The following DACH1 variants were observed in gnomAD, a reference collection of about 807,000 sequenced individuals.
The protein encoded by DACH1 is dachshund family transcription factor 1, also known as dachshund homolog 1.
Under a neutral mutation model 54.2 loss-of-function variants are expected in DACH1, and 12 were observed. The ratio of observed to expected loss-of-function variants is 0.22; its 90% CI spans 0.14 to 0.36. The LOEUF (loss-of-function observed/expected upper bound fraction) is 0.36. DACH1 is among the 10% of genes least tolerant of loss of function. The pLI, the probability that DACH1 is intolerant of heterozygous loss-of-function variation, is 1.00. For synonymous variants in DACH1, 386 were observed against 366.2 expected, an observed-to-expected ratio of 1.05 and a Z score of -0.62; for missense variants, 805 against 929.8, an observed-to-expected ratio of 0.87 and a Z score of 1.75.
At chr13:71,717,502 AATCAC>A (rs1487793801) in intron 1 of DACH1, among the ~76,000 whole-genome samples, 1 of 92,690 alleles carries the variant, frequency 1.1e-5, no homozygotes, top group Non-Finnish European at 2.2e-5. Flanking sequence ...CTGTGTGTGT[AATCAC>A]ACACACACAC....
intron 2 of DACH1, among the ~76,000 whole-genome samples, chr13:71,638,562 T>A (rs1314671597): frequency 6.6e-6 from 1 of 152,190 alleles, no homozygotes; most frequent in Non-Finnish European, 1.5e-5. Flanking sequence ...ACAGCCTTGT[T>A]TTTTTAATCT....
intron 2 of DACH1, among the ~76,000 whole-genome samples, chr13:71,644,777 C>T (rs1298219694): frequency 6.6e-6 from 1 of 152,182 alleles, no homozygotes; most frequent in Non-Finnish European, 1.5e-5. Context: ...AACATGATGG[C>T]TGCTTACACC....
rs11322352 is a variant in DACH1, at chr13:71,708,852, G to GTTTTTTT, written c.849-26949_849-26943dup. 4.2e-5 allele frequency among the ~76,000 whole-genome samples: 5 copies of GTTTTTTT among 120,390 alleles called. 1 individual carries two copies. Among genetic ancestry groups the GTTTTTTT allele is most frequent in the Non-Finnish European group, 8.0e-5 (5 of 62,524 alleles). 79.0% of individuals were successfully genotyped at this position (120,390 alleles called of 152,430 possible). On this transcript the variant is annotated intron_variant, in intron 1 of 10. Coordinates refer to ENST00000613252, the MANE Select transcript of DACH1 (RefSeq NM_080759.6). ...TCTCAGGGTTTCCAAGTTTTTTGTT[G>GTTTTTTT]TTTTTTTTTTTTTTTTTTGAGACGG...
Position 71,649,061 on chromosome 13 carries a change from A to G in DACH1, c.965-18344T>C, listed in dbSNP as rs551839161. ...TCATGCACTGCATAATGATGTTCCT[A>G]TCAACAACAGACCACATATACAACA... On this transcript the variant is annotated intron_variant, in intron 2 of 10. Transcript: ENST00000613252. Among the ~76,000 whole-genome samples, 16 of 152,296 alleles carry G rather than the reference A, an allele frequency of 1.1e-4. No individual in the cohort carries two copies. The South Asian group carries it at 3.1e-3, about 30-fold the overall frequency.
intron 7 of DACH1, among the ~76,000 whole-genome samples, chr13:71,484,213 G>A (rs1463015950): frequency 1.3e-5 from 2 of 152,036 alleles, no homozygotes; most frequent in African/African-American, 2.4e-5. Flanking sequence ...CCAGGGTGGA[G>A]TGCAGTGGTG....
intron 2 of DACH1, among the ~76,000 whole-genome samples, chr13:71,633,927 G>A (rs1185019280): frequency 6.6e-6 from 1 of 150,864 alleles, no homozygotes; most frequent in Non-Finnish European, 1.5e-5. Context: ...CCATGTCATA[G>A]TCAGCCAAAC....
At chr13:71,540,959 C>A (rs990836635) in intron 6 of DACH1, among the ~76,000 whole-genome samples, 4 of 151,698 alleles carry the variant, frequency 2.6e-5, no homozygotes, top group African/African-American at 9.7e-5. Context: ...TATTAATATG[C>A]CTATTATAAA....
At chr13:71,832,866 T>C (rs1417886367) in intron 1 of DACH1, among the ~76,000 whole-genome samples, 1 of 151,992 alleles carries the variant, frequency 6.6e-6, no homozygotes, top group African/African-American at 2.4e-5. Flanking sequence ...TTTTTATATA[T>C]AGATAACTCC....
chr13:71,616,462 G>A (rs561759151), intron 3 of DACH1, among the ~76,000 whole-genome samples: 9 of 152,302 alleles, frequency 5.9e-5, no homozygotes, highest in African/African-American at 2.2e-4. Flanking sequence ...AATGAGAAAA[G>A]AAGATCAGGT....
intron 1 of DACH1, among the ~76,000 whole-genome samples, chr13:71,693,845 G>A (rs927171778): frequency 3.3e-5 from 5 of 152,088 alleles, no homozygotes; most frequent in African/African-American, 1.2e-4. Context: ...AAAAAATACA[G>A]CATATATAAG....
At chr13:71,674,440 TACACAC>T (rs57078245) in intron 2 of DACH1, among the ~76,000 whole-genome samples, 76,302 of 140,886 alleles carry the variant, frequency 0.54, 21,940 homozygotes, top group Non-Finnish European at 0.65. Context: ...AGGGAGATTT[TACACAC>T]ACACACACAC....
chr13:71,508,173 T>C (rs1880480747), intron 6 of DACH1, among the ~76,000 whole-genome samples: 1 of 152,182 alleles, frequency 6.6e-6, no homozygotes. Context: ...CATAGCTGCA[T>C]ATTAGTACGT....
intron 1 of DACH1, among the ~76,000 whole-genome samples, chr13:71,790,979 T>C (rs1420733810): frequency 1.3e-5 from 2 of 152,210 alleles, no homozygotes; most frequent in Non-Finnish European, 2.9e-5. Flanking sequence ...CAAACAAAAC[T>C]CAAATTATTA....
chr13:71,776,492 T>C (rs1886070910), intron 1 of DACH1, among the ~76,000 whole-genome samples: 1 of 152,142 alleles, frequency 6.6e-6, no homozygotes, highest in African/African-American at 2.4e-5. Flanking sequence ...CTTAATATAT[T>C]GATTAATAAA....
chr13:71,557,186 A>G, intron 5 of DACH1, 28 bp from the exon 6 acceptor site: 1 of 1,586,898 alleles, frequency 6.3e-7, no homozygotes, highest in Non-Finnish European at 8.5e-7. Context: ...AAAACAAACA[A>G]AACAAAACAC....
At chr13:71,633,474 T>C (rs1241524582) in intron 2 of DACH1, among the ~76,000 whole-genome samples, 3 of 152,128 alleles carry the variant, frequency 2.0e-5, no homozygotes, top group Non-Finnish European at 4.4e-5. Context: ...GCCCCTGACT[T>C]TTAAAAATAT....
At chr13:71,583,864 G>T (rs564120945) in intron 3 of DACH1, among the ~76,000 whole-genome samples, 6 of 151,948 alleles carry the variant, frequency 3.9e-5, no homozygotes, top group Non-Finnish European at 7.4e-5. Context: ...CATCATCCAG[G>T]GGGCCTTTAA....
At chr13:71,510,499 G>T (rs1880694604) in intron 6 of DACH1, among the ~76,000 whole-genome samples, 1 of 151,740 alleles carries the variant, frequency 6.6e-6, no homozygotes, top group South Asian at 2.1e-4. Flanking sequence ...CCTTTCCAGG[G>T]TCAAATAACA....
intron 2 of DACH1, among the ~76,000 whole-genome samples, chr13:71,674,635 C>A (rs1440519963): frequency 6.6e-6 from 1 of 151,862 alleles, no homozygotes; most frequent in Non-Finnish European, 1.5e-5. Context: ...TGATTTCAGC[C>A]CAGTGATGCT....
Sources: allele counts gnomAD v4.1 joint callset (sites outside exome capture counted in the v4.1 genomes callset), GRCh38; gene constraint gnomAD v4.1.1; transcripts MANE v1.5; gene names NCBI Gene and HGNC (gene_info 2026-07-23, HGNC 2026-07-21).